PDE11A: variants seen among roughly 807,000 people sequenced by gnomAD.
PDE11A encodes the protein dual 3',5'-cyclic-AMP and -GMP phosphodiesterase 11A.
In PDE11A, 100 loss-of-function variants were observed where a neutral mutation model predicts 100.5. The observed-to-expected ratio is 1.00, with a 90% CI of 0.85 to 1.18. The LOEUF (loss-of-function observed/expected upper bound fraction) is 1.18, where lower values mean the gene tolerates loss of function less well. Ranked by LOEUF, PDE11A falls within the 50% of genes most tolerant of loss-of-function variation. PDE11A has a pLI of 0.00. For synonymous variants in PDE11A, 381 were observed against 420.8 expected (o/e 0.91, Z 1.16); for missense variants, 1,141 against 1,152.6 (o/e 0.99, Z 0.15).
chr2:177,645,937 C>T (rs540503253), intron 19 of PDE11A, among the ~76,000 whole-genome samples: 14 of 152,320 alleles, frequency 9.2e-5, no homozygotes, highest in South Asian at 6.2e-4. Context: ...CAATGCATTA[C>T]AGCAGTTTTA....
chr2:178,027,224 C>T (rs1031679571), intron 1 of PDE11A, among the ~76,000 whole-genome samples: 9 of 151,984 alleles, frequency 5.9e-5, no homozygotes, highest in African/African-American at 2.2e-4. Context: ...AAAATATCTA[C>T]ATATTCAAGA....
chr2:178,072,654 C>G lies in PDE11A; in HGVS notation c.-217G>C, dbSNP rs898401142. On this transcript the variant is annotated 5_prime_UTR_variant, in exon 1 of 20. Transcript: ENST00000286063. Reference sequence around the variant, plus strand: ...GACCCCACCCCGTGGTCCTGCTACTCCTGCTCCGCACAGGTGCCCAGCACT... The same window carrying G: ...GACCCCACCCCGTGGTCCTGCTACTGCTGCTCCGCACAGGTGCCCAGCACT... 32 of 1,461,226 alleles carry G rather than the reference C, an allele frequency of 2.2e-5. No individual in the cohort carries two copies. The African/African-American group carries it at 3.7e-4, about 17-fold the overall frequency. The allele number at this position is 1,461,226 out of a possible 1,614,324, so 90.5% of individuals were successfully genotyped here.
chr2:177,948,081 G>T (rs1038125794), intron 2 of PDE11A, among the ~76,000 whole-genome samples: 2 of 151,702 alleles, frequency 1.3e-5, no homozygotes, highest in Admixed American at 1.3e-4. Flanking sequence ...GTGCATGTGT[G>T]TATATGTATA....
intron 5 of PDE11A, among the ~76,000 whole-genome samples, chr2:177,853,730 GTA>G (rs1553482776): frequency 2.3e-5 from 2 of 88,574 alleles, no homozygotes; most frequent in African/African-American, 4.0e-5. Context: ...GTGTGTGTGT[GTA>G]TATCTATATG....
At chr2:178,088,559 G>T (rs2087385766) in intron 2 of PDE11A, among the ~76,000 whole-genome samples, 1 of 152,142 alleles carries the variant, frequency 6.6e-6, no homozygotes, top group Non-Finnish European at 1.5e-5. Context: ...ACAAATAATT[G>T]CCAAGTTAAC....
At chr2:178,060,783 A>C (rs1249118537) in intron 1 of PDE11A, among the ~76,000 whole-genome samples, 1 of 152,090 alleles carries the variant, frequency 6.6e-6, no homozygotes, top group African/African-American at 2.4e-5. Flanking sequence ...ATCATAATTG[A>C]TTCATCCAAC....
chr2:177,629,591 G>A (rs746602672), intron 19 of PDE11A, 29 bp from the exon 20 acceptor site: 17 of 1,610,336 alleles, frequency 1.1e-5, no homozygotes, highest in Middle Eastern at 1.6e-4. Flanking sequence ...AAACACAGGT[G>A]GAGGAGAGAG....
chr2:177,805,066 C>A (rs2082849604), intron 9 of PDE11A, among the ~76,000 whole-genome samples: 1 of 145,292 alleles, frequency 6.9e-6, no homozygotes, highest in South Asian at 2.2e-4. Context: ...ACTTGTACTC[C>A]CTAAATATAT....
intron 10 of PDE11A, among the ~76,000 whole-genome samples, chr2:177,754,493 T>C (rs1415870138): frequency 2.0e-5 from 3 of 152,240 alleles, no homozygotes; most frequent in Non-Finnish European, 2.9e-5. Flanking sequence ...TGTTCATACA[T>C]TTTAAAGCCC....
intron 2 of PDE11A, among the ~76,000 whole-genome samples, chr2:178,085,363 G>A (rs1282321508): frequency 6.6e-6 from 1 of 152,114 alleles, no homozygotes; most frequent in African/African-American, 2.4e-5. Flanking sequence ...TAATTAACAT[G>A]GATATAAATA....
intron 5 of PDE11A, 62 bp downstream of exon 5, chr2:177,875,797 C>T: frequency 9.9e-7 from 1 of 1,014,448 alleles, no homozygotes; most frequent in Admixed American, 1.7e-5. Context: ...AAGAATTATG[C>T]AATGCTGCTA....
At chr2:177,836,836 C>T (rs775394667) in intron 6 of PDE11A, among the ~76,000 whole-genome samples, 35 of 152,198 alleles carry the variant, frequency 2.3e-4, no homozygotes, top group Non-Finnish European at 2.9e-4. Flanking sequence ...CGAAGGTCTG[C>T]AGCTTCACTC....
At chr2:177,889,630 T>C (rs573090145) in intron 4 of PDE11A, among the ~76,000 whole-genome samples, 14 of 152,100 alleles carry the variant, frequency 9.2e-5, no homozygotes, top group Admixed American at 5.9e-4. Context: ...TTTTATTATT[T>C]GTGTGCCTAA....
At chr2:177,966,379 T>C (rs2085698511) in intron 2 of PDE11A, among the ~76,000 whole-genome samples, 1 of 152,158 alleles carries the variant, frequency 6.6e-6, no homozygotes, top group African/African-American at 2.4e-5. Context: ...TCCAGTACTA[T>C]GATGAATAGG....
intron 13 of PDE11A, among the ~76,000 whole-genome samples, chr2:177,701,949 G>C (rs1320215513): frequency 6.6e-6 from 1 of 152,096 alleles, no homozygotes; most frequent in African/African-American, 2.4e-5. Context: ...TTGTCTCTAA[G>C]ATTATATTAT....
chr2:177,897,034 T>A (rs915990908), intron 4 of PDE11A, among the ~76,000 whole-genome samples: 3 of 152,224 alleles, frequency 2.0e-5, no homozygotes, highest in Non-Finnish European at 4.4e-5. Context: ...ACAATACTTA[T>A]TAAATGTCCA....
chr2:177,652,318 A>T (rs2080322630), intron 19 of PDE11A, among the ~76,000 whole-genome samples: 1 of 152,202 alleles, frequency 6.6e-6, no homozygotes, highest in Admixed American at 6.5e-5. Flanking sequence ...AGAACATGTC[A>T]TCTGAGCAGA....
At chr2:178,008,431 T>C (rs549184377) in intron 2 of PDE11A, among the ~76,000 whole-genome samples, 8 of 152,292 alleles carry the variant, frequency 5.3e-5, no homozygotes, top group Non-Finnish European at 7.3e-5. Context: ...ATCAGTTCTA[T>C]GCCAGTCAAA....
At chr2:177,654,509 A>G (rs1183776853) in intron 19 of PDE11A, among the ~76,000 whole-genome samples, 1 of 151,968 alleles carries the variant, frequency 6.6e-6, no homozygotes, top group East Asian at 1.9e-4. Context: ...TAACAGTGAG[A>G]CTCTGTCTCA....
Sources: allele counts gnomAD v4.1 joint callset (sites outside exome capture counted in the v4.1 genomes callset), GRCh38; gene constraint gnomAD v4.1.1; transcripts MANE v1.5; gene names NCBI Gene and HGNC (gene_info 2026-07-23, HGNC 2026-07-21).